THBS4: variants seen among roughly 807,000 people sequenced by gnomAD.
THBS4 encodes the protein thrombospondin 4, also known as thrombospondin-4.
A neutral mutation model predicts 115.7 loss-of-function variants in THBS4; 90 were observed. The observed-to-expected ratio is 0.78, with a 90% CI of 0.66 to 0.93. The LOEUF is 0.93. THBS4 is among the 40% of genes least tolerant of loss of function. THBS4 has a pLI of 0.00. For synonymous variants in THBS4, 460 were observed against 479.3 expected (o/e 0.96, Z 0.53); for missense variants, 1,087 against 1,232.7 (o/e 0.88, Z 1.77).
At chr5:80,012,492 G>A (rs2028269) in intron 2 of THBS4, among the ~76,000 whole-genome samples, 65,833 of 151,992 alleles carry the variant, frequency 0.43, 14,719 homozygotes, top group African/African-American at 0.54. Flanking sequence ...AGTAGGAGGG[G>A]CCATAAAATG....
intron 12 of THBS4, 54 bp from the exon 13 acceptor site, chr5:80,070,967 G>A (rs1475468758): frequency 5.6e-6 from 9 of 1,603,194 alleles, no homozygotes; most frequent in African/African-American, 2.7e-5. Flanking sequence ...CACAACAATG[G>A]AGGAAGTGGA....
intron 2 of THBS4, among the ~76,000 whole-genome samples, chr5:80,048,985 C>A (rs1833165180): frequency 6.6e-6 from 1 of 151,960 alleles, no homozygotes; most frequent in Non-Finnish European, 1.5e-5. Flanking sequence ...TGCCAAAGAG[C>A]AAAGCCATTT....
intron 2 of THBS4, among the ~76,000 whole-genome samples, chr5:80,020,179 TA>T (rs1356640581): frequency 6.6e-6 from 1 of 152,066 alleles, no homozygotes; most frequent in Non-Finnish European, 1.5e-5. Context: ...AGCCACCTTT[TA>T]AAAGTGAAAT....
chr5:80,013,903 C>T (rs894481386), intron 2 of THBS4, among the ~76,000 whole-genome samples: 4 of 152,136 alleles, frequency 2.6e-5, no homozygotes, highest in East Asian at 3.9e-4. Flanking sequence ...CATAACTAAG[C>T]GTCTTTGAAG....
chr5:80,051,133 A>G (rs1009389454), intron 2 of THBS4, among the ~76,000 whole-genome samples: 8 of 152,210 alleles, frequency 5.3e-5, no homozygotes, highest in African/African-American at 1.9e-4. Flanking sequence ...GGGGGCTGGC[A>G]AGAGGAAGGG....
At chr5:80,005,394 C>T (rs2151151841) in intron 2 of THBS4, among the ~76,000 whole-genome samples, 1 of 152,288 alleles carries the variant, frequency 6.6e-6, no homozygotes, top group African/African-American at 2.4e-5. Context: ...AGCAAATTTG[C>T]AGTTATCTGA....
chr5:80,022,238 C>T (rs1003403524), intron 2 of THBS4, among the ~76,000 whole-genome samples: 3 of 152,164 alleles, frequency 2.0e-5, no homozygotes, highest in South Asian at 2.1e-4. Flanking sequence ...GGTCTCTATA[C>T]GTTTCTTGCT....
At chr5:80,070,810 C>T (rs545034544) in intron 12 of THBS4, 60 bp downstream of exon 12, 1 of 1,586,054 alleles carries the variant, frequency 6.3e-7, no homozygotes, top group African/African-American at 1.3e-5. Flanking sequence ...TGGGAGAAAG[C>T]CTGTGATGTC....
At chr5:80,027,239 T>C (rs1034417185) in intron 2 of THBS4, among the ~76,000 whole-genome samples, 1 of 152,180 alleles carries the variant, frequency 6.6e-6, no homozygotes, top group African/African-American at 2.4e-5. Flanking sequence ...GAGAAGTCTG[T>C]TGGGGTGCTT....
chr5:80,012,902 G>A (rs985245557), intron 2 of THBS4, among the ~76,000 whole-genome samples: 2 of 152,174 alleles, frequency 1.3e-5, no homozygotes, highest in South Asian at 4.1e-4. Flanking sequence ...GTCACACGAG[G>A]TCCCACTTGG....
chr5:80,074,626 C>CT (rs35937190), intron 15 of THBS4, among the ~76,000 whole-genome samples: 3,597 of 142,494 alleles, frequency 0.025, 142 homozygotes, highest in African/African-American at 0.079. Context: ...CTCTCTCTCT[C>CT]TTTTTTTTTT....
intron 2 of THBS4, among the ~76,000 whole-genome samples, chr5:80,053,592 C>T (rs1833322384): frequency 6.7e-6 from 1 of 148,908 alleles, no homozygotes; most frequent in Admixed American, 6.7e-5. Flanking sequence ...CGCTTTCCCA[C>T]CCTGGGACAG....
At chr5:80,037,630 T>C (rs1429417194) in intron 1 of THBS4, among the ~76,000 whole-genome samples, 2 of 152,204 alleles carry the variant, frequency 1.3e-5, no homozygotes, top group East Asian at 3.8e-4. Context: ...GAACCATAGA[T>C]TGAAATACCG....
chr5:80,062,051 G>A (rs964496022), intron 8 of THBS4, among the ~76,000 whole-genome samples: 2 of 152,180 alleles, frequency 1.3e-5, no homozygotes, highest in African/African-American at 4.8e-5. Context: ...GGATAATAGA[G>A]TATCACTAGA....
intron 19 of THBS4, 126 bp downstream of exon 19, chr5:80,079,384 G>GA: frequency 9.4e-7 from 1 of 1,060,852 alleles, no homozygotes; most frequent in East Asian, 2.6e-5. Context: ...GCTAACGTTA[G>GA]AGTCAGGGAA....
intron 2 of THBS4, among the ~76,000 whole-genome samples, chr5:80,021,372 A>G (rs963585295): frequency 1.3e-5 from 2 of 152,214 alleles, no homozygotes; most frequent in African/African-American, 4.8e-5. Flanking sequence ...TAGTCTTATC[A>G]CTAAATTTTT....
chr5:80,012,321 G>A (rs957305282), intron 2 of THBS4, among the ~76,000 whole-genome samples: 4 of 152,134 alleles, frequency 2.6e-5, no homozygotes, highest in Non-Finnish European at 5.9e-5. Flanking sequence ...TCAGTAGCCT[G>A]TGAGGAAACT....
chr5:80,007,063 C>T (rs1236995067), intron 2 of THBS4, among the ~76,000 whole-genome samples: 1 of 151,928 alleles, frequency 6.6e-6, no homozygotes, highest in East Asian at 1.9e-4. Context: ...AATATGAGAC[C>T]AAGGAGATAC....
chr5:80,012,321 G>C (rs957305282), intron 2 of THBS4, among the ~76,000 whole-genome samples: 1 of 152,134 alleles, frequency 6.6e-6, no homozygotes, highest in Non-Finnish European at 1.5e-5. Flanking sequence ...TCAGTAGCCT[G>C]TGAGGAAACT....
Sources: gnomAD v4.1 joint callset for allele counts (sites outside exome capture counted in the v4.1 genomes callset) on GRCh38, gnomAD v4.1.1 for gene constraint, MANE v1.5 for transcripts, NCBI Gene and HGNC (gene_info 2026-07-23, HGNC 2026-07-21) for gene names.